KIFC3: variants seen among roughly 807,000 people sequenced by gnomAD.
KIFC3 encodes the protein kinesin-like protein KIFC3.
KIFC3 carries 60 observed loss-of-function variants against 101.8 expected under a neutral mutation model. The observed-to-expected ratio is 0.59, with a 90% CI of 0.48 to 0.73. The LOEUF (loss-of-function observed/expected upper bound fraction) is 0.73. Among genes scored for constraint, KIFC3 ranks in the 30% least tolerant of loss-of-function variants. KIFC3 has a pLI of 0.00. For synonymous variants in KIFC3, 476 were observed against 482.7 expected (o/e 0.99, Z 0.18); for missense variants, 966 against 1,137.1 (o/e 0.85, Z 2.16).
intron 3 of KIFC3, chr16:57,777,156 G>C (rs1248901223): frequency 6.6e-6 from 1 of 151,936 alleles, no homozygotes; most frequent in Non-Finnish European, 1.5e-5. Context: ...GTTAAATATT[G>C]TATGCTAAAA....
intron 1 of KIFC3, among the ~76,000 whole-genome samples, chr16:57,823,799 G>C (rs1041726092): frequency 6.9e-6 from 1 of 144,526 alleles, no homozygotes; most frequent in Non-Finnish European, 1.5e-5. Context: ...GTGTGTGTGT[G>C]TGTGTTTTTA....
At chr16:57,773,446 A>G (rs1004439114) in intron 3 of KIFC3, among the ~76,000 whole-genome samples, 1 of 152,192 alleles carries the variant, frequency 6.6e-6, no homozygotes, top group Non-Finnish European at 1.5e-5. Flanking sequence ...CTTTCAAGAG[A>G]GGCCTAGGCC....
At chr16:57,837,781 C>T (rs552322016) in intron 1 of KIFC3, among the ~76,000 whole-genome samples, 3 of 152,220 alleles carry the variant, frequency 2.0e-5, no homozygotes, top group South Asian at 2.1e-4. Context: ...GGAATCGGGA[C>T]TTTAACAGTG....
chr16:57,766,655 G>A (rs1438625120), intron 10 of KIFC3, among the ~76,000 whole-genome samples: 1 of 152,188 alleles, frequency 6.6e-6, no homozygotes. Flanking sequence ...TGGGGCCAGG[G>A]CTTCTGAGCT....
At chr16:57,764,445 A>T (rs2050220008) in intron 11 of KIFC3, 198 bp from the exon 12 acceptor site, 1 of 570,502 alleles carries the variant, frequency 1.8e-6, no homozygotes, top group Non-Finnish European at 3.2e-6. Context: ...GGCCGCCCAA[A>T]GACTGCAGGG....
intron 1 of KIFC3, among the ~76,000 whole-genome samples, chr16:57,850,806 G>T (rs112086332): frequency 3.9e-5 from 6 of 152,112 alleles, no homozygotes; most frequent in African/African-American, 1.2e-4. Flanking sequence ...TACATTGTAC[G>T]GAGTTCTCCG....
At chr16:57,796,284 C>A (rs374364281) in intron 2 of KIFC3, among the ~76,000 whole-genome samples, 1 of 152,196 alleles carries the variant, frequency 6.6e-6, no homozygotes, top group Admixed American at 6.5e-5. Context: ...ATGAAATACA[C>A]GTGGTGCCCA....
intron 1 of KIFC3, among the ~76,000 whole-genome samples, chr16:57,838,192 A>G (rs2055734654): frequency 6.6e-6 from 1 of 152,204 alleles, no homozygotes; most frequent in African/African-American, 2.4e-5. Flanking sequence ...GCAGGGAACA[A>G]GCAGCTTCCC....
rs554608170 is a variant in KIFC3, at chr16:57,811,250, G to A, written c.109-12968C>T. ...ACTATGAATGGGGCTTCTTTGGGGC[G>A]TGATAAAATGTCCTAAAGTTAGTTT... On this transcript the variant is annotated intron_variant, in intron 1 of 2. Transcript: ENST00000563028. Among the ~76,000 whole-genome samples the A allele has an allele frequency of 6.6e-5, 10 of 152,336 alleles. No homozygotes were observed. The East Asian group carries it at 7.7e-4, about 12-fold the overall frequency.
Position 57,793,438 on chromosome 16 carries a change from C to T in KIFC3, c.315+1561G>A, listed in dbSNP as rs546847737. On this transcript the variant is annotated intron_variant, in intron 3 of 19. Coordinates refer to ENST00000445690, the MANE Select transcript of KIFC3 (RefSeq NM_001130100.2). ...TGAAACCCTGTCTCTACTAAAAATA[C>T]AAACATTAGCTGGGCACGGTGGCAC... Among the ~76,000 whole-genome samples, 328 of 151,234 alleles carry T rather than the reference C, an allele frequency of 2.2e-3. 2 individuals are homozygous for T. The highest frequency in any genetic ancestry group is 0.013 in the South Asian group (63 of 4,778).
At chr16:57,767,402 G>C (rs1339268229) in intron 9 of KIFC3, among the ~76,000 whole-genome samples, 1 of 152,170 alleles carries the variant, frequency 6.6e-6, no homozygotes, top group Non-Finnish European at 1.5e-5. Context: ...TCTAACTCAT[G>C]AATCTGTAAA....
At position 57,802,357 on chromosome 16, in the gene KIFC3, G is replaced by GC. The variant is rs1288389947; in HGVS notation, c.-40+12dup. On this transcript the variant is annotated intron_variant, in intron 1 of 19. Transcript: ENST00000445690. The surrounding 1 kb of genome is among the most constrained non-coding windows in gnomAD (Gnocchi z 5.0). ...CCCCGCTCGCACCCAGCCCGCCCGG[G>GC]CCCCCCACTCACCGGCCTGGCGGAG... is the stretch of plus-strand genomic sequence containing the variant. 1 of 980,102 alleles carries GC rather than the reference G, an allele frequency of 1.0e-6. No individual in the cohort carries two copies. Among genetic ancestry groups the GC allele is most frequent in the Non-Finnish European group, 1.2e-6 (1 of 826,098 alleles). The allele number at this position is 980,102 out of a possible 1,614,324, so 60.7% of individuals were successfully genotyped here. A position where few individuals can be genotyped will look rare whatever the true frequency, so the allele number is the denominator to read the frequency against.
chr16:57,780,260 C>T (rs553504094), intron 3 of KIFC3, among the ~76,000 whole-genome samples: 65 of 152,306 alleles, frequency 4.3e-4, no homozygotes, highest in African/African-American at 1.5e-3. Flanking sequence ...CCAATAATCC[C>T]AGCACTTTGG....
In KIFC3 at chr16:57,769,197, A is replaced by G. The variant is rs1239829478; in HGVS notation, c.1218+398T>C. Among the ~76,000 whole-genome samples, 2 of 152,086 alleles carry G rather than the reference A, an allele frequency of 1.3e-5. No individual in the cohort carries two copies. The highest frequency in any genetic ancestry group is 4.8e-5 in the African/African-American group (2 of 41,412). ...TAACAGGCACCTGCCACCCATGCCCAGCTAATTTTTGTAATTTTAGTAGAG... is the reference window on the plus strand; with the variant it reads ...TAACAGGCACCTGCCACCCATGCCCGGCTAATTTTTGTAATTTTAGTAGAG... On this transcript the variant is annotated intron_variant, in intron 9 of 19. Transcript: ENST00000445690. The surrounding 1 kb of genome is among the most constrained non-coding windows in gnomAD (Gnocchi z 4.3).
chr16:57,821,906 C>A (rs1541704), intron 1 of KIFC3, among the ~76,000 whole-genome samples: 22,965 of 151,780 alleles, frequency 0.15, 2,594 homozygotes, highest in African/African-American at 0.28. Context: ...GAGTGAGACC[C>A]GTCTCTACCA....
chr16:57,814,714 C>T (rs540411130), intron 1 of KIFC3, among the ~76,000 whole-genome samples: 1 of 152,196 alleles, frequency 6.6e-6, no homozygotes, highest in African/African-American at 2.4e-5. Flanking sequence ...CAACCTCTGC[C>T]TCCCAGGTTC....
At chr16:57,771,834 G>A in intron 4 of KIFC3, 148 bp from the exon 5 acceptor site, 2 of 1,018,428 alleles carry the variant, frequency 2.0e-6, no homozygotes, top group Non-Finnish European at 2.8e-6. Flanking sequence ...AAAGAAAAAG[G>A]CAAGGGCAAG....
chr16:57,810,736 CA>C (rs1208962535), intron 1 of KIFC3: 23 of 960,642 alleles, frequency 2.4e-5, no homozygotes, highest in Middle Eastern at 5.3e-4. Flanking sequence ...AAACTCTTTA[CA>C]CACAGGATTG....
chr16:57,822,634 T>C (rs2055375206), intron 1 of KIFC3, among the ~76,000 whole-genome samples: 1 of 150,308 alleles, frequency 6.7e-6, no homozygotes, highest in South Asian at 2.1e-4. Context: ...GAGGTGGAGG[T>C]TGCAGTGAGC....
Sources: gnomAD v4.1 joint callset for allele counts (sites outside exome capture counted in the v4.1 genomes callset) on GRCh38, gnomAD v4.1.1 for gene constraint, Gnocchi (gnomAD v3.1) non-coding constraint, MANE v1.5 for transcripts, NCBI Gene and HGNC (gene_info 2026-07-23, HGNC 2026-07-21) for gene names.